Variants in MAP4 observed in about 807,000 individuals in gnomAD.
MAP4 encodes microtubule associated protein 4.
Under a neutral mutation model 170.2 loss-of-function variants are expected in MAP4, and 76 were observed. The observed-to-expected ratio is 0.45, with a 90% CI of 0.37 to 0.54. MAP4 has a LOEUF of 0.54. Ranked by LOEUF, MAP4 falls within the 20% of genes least tolerant of loss-of-function variation. The probability of loss-of-function intolerance (pLI) is 0.00; values close to 1 mark genes in which losing one functional copy is unlikely to be tolerated. For missense variants in MAP4, 2,506 were observed against 2,748.0 expected (o/e 0.91, Z 1.97); for synonymous variants, 909 against 994.5 (o/e 0.91, Z 1.62).
chr3:47,973,416 G>C, intron 3 of MAP4: 1 of 985,274 alleles, frequency 1.0e-6, no homozygotes, highest in Non-Finnish European at 1.2e-6. Flanking sequence ...TATGGGACTG[G>C]CTACTTTGTA....
chr3:47,937,236 T>C (rs1242363313), intron 3 of MAP4, among the ~76,000 whole-genome samples: 1 of 152,134 alleles, frequency 6.6e-6, no homozygotes, highest in African/African-American at 2.4e-5. Flanking sequence ...CAAATAAGAC[T>C]CAGCAGTTAT....
chr3:47,916,642 G>A lies in MAP4; in HGVS notation c.1185C>T (p.Asp395=). ...PIKMDLAPSK[D]MGPPKENKIV... is the part of the protein sequence containing the mutation. ...TCTTGTTTTCTTTGGGTGGTCCCAT[G>A]TCCTTGGAAGGAGCCAAGTCCATTT... Residue 395 remains aspartate, a synonymous_variant, in exon 7 of 21, where the codon GAC becomes GAT. Transcript: ENST00000683076. 1 of 1,614,180 alleles carries A rather than the reference G, an allele frequency of 6.2e-7. No individual in the cohort carries two copies. Among genetic ancestry groups the A allele is most frequent in the Non-Finnish European group, 8.5e-7 (1 of 1,180,020 alleles).
intron 1 of MAP4, among the ~76,000 whole-genome samples, chr3:48,000,099 C>T (rs1216770689): frequency 1.3e-5 from 2 of 151,564 alleles, no homozygotes; most frequent in African/African-American, 4.9e-5. Flanking sequence ...CCTATAATCC[C>T]AGCTACTTGT....
rs372504095 is a variant in MAP4, at chr3:47,903,528, G to A, written c.5384-528C>T. Among the ~76,000 whole-genome samples the A allele has an allele frequency of 1.4e-4, 19 of 138,792 alleles. No homozygotes were observed. The East Asian group carries it at 2.3e-3, about 17-fold the overall frequency. 91.1% of individuals were successfully genotyped at this position (138,792 alleles called of 152,430 possible). A position where few individuals can be genotyped will look rare whatever the true frequency, so the allele number is the denominator to read the frequency against. ...CGCCTTGGCGAAAGAGCGAGACTCC[G>A]TCTCAAAAAAAAAAAAAAAAAAAGT... On this transcript the variant is annotated intron_variant, in intron 9 of 20. Transcript: ENST00000683076.
chr3:47,952,705 G>A (rs61187710), intron 3 of MAP4, among the ~76,000 whole-genome samples: 19 of 151,400 alleles, frequency 1.3e-4, no homozygotes, highest in African/African-American at 4.4e-4. Context: ...TGGTCAGATC[G>A]CGAGATCAGG....
intron 1 of MAP4, among the ~76,000 whole-genome samples, chr3:48,045,185 G>C (rs937536318): frequency 6.7e-6 from 1 of 149,476 alleles, no homozygotes; most frequent in Admixed American, 6.7e-5. Context: ...TTGAACCCAG[G>C]AGGCGGAGGT....
chr3:47,885,455 T>TA (rs2097421807), intron 10 of MAP4, among the ~76,000 whole-genome samples: 1 of 152,222 alleles, frequency 6.6e-6, no homozygotes. Context: ...CTGAGATCCC[T>TA]ACCAGGTTTG....
chr3:47,872,108 T>G lies in MAP4; in HGVS notation c.5758-8A>C. On this transcript the variant is annotated splice_polypyrimidine_tract_variant and splice_region_variant and intron_variant, in intron 12 of 20. Transcript: ENST00000683076. The stretch of plus-strand genomic sequence containing the variant: ...CTTTGCATCTGCAATGGGCTGGAAA[T>G]AGGAAAGTGGGAATGAGGCCTGCAG... 6.2e-7 allele frequency: 1 copy of G among 1,601,666 alleles called. No homozygotes were observed. Among genetic ancestry groups the G allele is most frequent in the Non-Finnish European group, 8.5e-7 (1 of 1,172,134 alleles).
At chr3:48,087,541 G>GC (rs1220532445) in intron 1 of MAP4, among the ~76,000 whole-genome samples, 1 of 151,718 alleles carries the variant, frequency 6.6e-6, no homozygotes, top group African/African-American at 2.4e-5. Flanking sequence ...CCCTGCCCCC[G>GC]CCCCCCATCT....
Position 47,871,237 on chromosome 3 carries a change from C to A in MAP4, c.5991G>T (p.Lys1997Asn), listed in dbSNP as rs1485054458. Residue 1997 changes from lysine (K) to asparagine (N), a missense_variant, in exon 14 of 21, where the codon AAG becomes AAT. Around this residue, in one of 3 missense-constraint regions of MAP4, gnomAD observed 487 missense variants for 511.6 expected, o/e 0.95. Transcript: ENST00000683076. Reference protein sequence around the residue: ...KPAEVKKMTAKSVPADLSRPK... With the variant: ...KPAEVKKMTANSVPADLSRPK... Reference sequence around the variant, plus strand: ...CGGATGGGCTATTACCTGGTACAGACTTTGCAGTCATCTTCTTGACTTCTG... The same window carrying A: ...CGGATGGGCTATTACCTGGTACAGAATTTGCAGTCATCTTCTTGACTTCTG... 1 of 1,614,220 alleles carries A rather than the reference C, an allele frequency of 6.2e-7. No homozygotes were observed. Among genetic ancestry groups the A allele is most frequent in the East Asian group, 2.2e-5 (1 of 44,890 alleles).
intron 1 of MAP4, among the ~76,000 whole-genome samples, chr3:48,074,676 T>TTTTGTGTGTGTG (rs746281743): frequency 0.074 from 6,662 of 90,596 alleles, 865 homozygotes; most frequent in Non-Finnish European, 0.081. Flanking sequence ...ATCCAGCTAA[T>TTTTGTGTGTGTG]TGTGTGTGTG....
At position 47,911,962 on chromosome 3, in the gene MAP4, C is replaced by A; in HGVS notation, c.2459G>T (p.Gly820Val). Reference protein sequence around the residue: ...GVLPSQPTTMGTEYGLVSGEN... With the variant: ...GVLPSQPTTMVTEYGLVSGEN... ...TCCAGATACAAGTCCATATTCTGTA[C>A]CCATAGTGGTAGGCTGGCTGGGGAG... Residue 820 changes from glycine (G) to valine (V), a missense_variant, in exon 9 of 21, where the codon GGT (glycine) becomes GTT (valine). Physicochemically the swap from Gly to Val is moderately radical, Grantham distance 109. This residue lies in a region of MAP4 where 2,008 missense variants were observed against 2,206.0 expected (regional missense o/e 0.91). Transcript: ENST00000683076. This position sits in a 1 kb window ranked among gnomAD's most constrained non-coding sequence, Gnocchi z 4.0. 1 of 1,536,070 alleles carries A rather than the reference C, an allele frequency of 6.5e-7. No individual in the cohort carries two copies. Among genetic ancestry groups the A allele is most frequent in the African/African-American group, 1.4e-5 (1 of 73,140 alleles).
intron 10 of MAP4, chr3:47,892,551 C>T: frequency 6.9e-7 from 1 of 1,455,896 alleles, no homozygotes; most frequent in Non-Finnish European, 9.0e-7. Context: ...CACCTACGAT[C>T]ACACAGAGCT....
At position 47,855,242 on chromosome 3, in the gene MAP4, C is replaced by G. The variant is rs554101832; in HGVS notation, c.6696+6G>C. On this transcript the variant is annotated splice_donor_region_variant and intron_variant, in intron 19 of 20. Coordinates refer to ENST00000683076, the MANE Select transcript of MAP4 (RefSeq NM_001385682.1). This position sits in a 1 kb window ranked among gnomAD's most constrained non-coding sequence, Gnocchi z 5.1. ...AGCTGTGTCTCCCCAGTGACCCACT[C>G]GCTACCTTCACAGCACCTCCTGCAG... is the stretch of plus-strand genomic sequence containing the variant. The G allele has an allele frequency of 6.2e-7, 1 of 1,608,348 alleles. No individual in the cohort carries two copies. Among genetic ancestry groups the G allele is most frequent in the South Asian group, 1.1e-5 (1 of 90,966 alleles).
At chr3:47,894,417 C>T (rs1357082280) in intron 10 of MAP4, among the ~76,000 whole-genome samples, 1 of 151,838 alleles carries the variant, frequency 6.6e-6, no homozygotes, top group East Asian at 2.0e-4. Flanking sequence ...CCTGTCTCTA[C>T]TAAAAAATAC....
At chr3:48,021,804 G>T (rs1372679436) in intron 1 of MAP4, among the ~76,000 whole-genome samples, 1 of 152,156 alleles carries the variant, frequency 6.6e-6, no homozygotes, top group African/African-American at 2.4e-5. Flanking sequence ...TAAACTACTG[G>T]ATATCAAAAC....
At chr3:48,083,004 A>G (rs2100147354) in intron 1 of MAP4, among the ~76,000 whole-genome samples, 1 of 152,126 alleles carries the variant, frequency 6.6e-6, no homozygotes, top group Non-Finnish European at 1.5e-5. Flanking sequence ...TAAAGGTGTC[A>G]AGGAAAGATA....
intron 2 of MAP4, among the ~76,000 whole-genome samples, chr3:47,987,703 A>G (rs2100089653): frequency 6.6e-6 from 1 of 152,200 alleles, no homozygotes; most frequent in Admixed American, 6.5e-5. Flanking sequence ...TCCCCATCTC[A>G]GATGATGGCA....
chr3:47,965,592 T>A (rs2100074384), intron 3 of MAP4, among the ~76,000 whole-genome samples: 1 of 152,240 alleles, frequency 6.6e-6, no homozygotes, highest in Non-Finnish European at 1.5e-5. Flanking sequence ...ATACTAGCCA[T>A]CCTAATGAGT....
Sources: allele counts gnomAD v4.1 joint callset (sites outside exome capture counted in the v4.1 genomes callset), GRCh38; gene constraint gnomAD v4.1.1; regional missense constraint gnomAD v4.1.1; non-coding constraint Gnocchi (gnomAD v3.1); transcripts MANE v1.5; gene names NCBI Gene and HGNC (gene_info 2026-07-23, HGNC 2026-07-21).